MYO18B: variants seen among roughly 807,000 people sequenced by gnomAD.
MYO18B encodes unconventional myosin-XVIIIb.
Under a neutral mutation model 273.0 loss-of-function variants are expected in MYO18B, and 204 were observed. That is an observed-to-expected ratio of 0.75 (90% CI 0.67 to 0.84). The LOEUF (loss-of-function observed/expected upper bound fraction) is 0.84, where lower values mean the gene tolerates loss of function less well. Ranked by LOEUF, MYO18B falls within the 40% of genes least tolerant of loss-of-function variation. The pLI is 0.00. For missense variants in MYO18B, 3,212 were observed against 3,287.6 expected (o/e 0.98, Z 0.56); for synonymous variants, 1,330 against 1,305.7 (o/e 1.02, Z -0.40).
chr22:25,877,899 C>A (rs2146204954), intron 24 of MYO18B, 60 bp from the exon 25 acceptor site: 3 of 1,431,714 alleles, frequency 2.1e-6, no homozygotes, highest in Non-Finnish European at 2.9e-6. Context: ...TCACTCCTAA[C>A]ACAGGTGGAA....
At chr22:25,817,936 C>G (rs1380475272) in intron 12 of MYO18B, among the ~76,000 whole-genome samples, 1 of 152,184 alleles carries the variant, frequency 6.6e-6, no homozygotes, top group Admixed American at 6.5e-5. Context: ...GCTTCACACC[C>G]ATTCTCCAGG....
Position 26,004,706 on chromosome 22 carries a change from A to G in MYO18B, c.6333-12A>G, listed in dbSNP as rs530808211. 10 of 1,613,294 alleles carry G rather than the reference A, an allele frequency of 6.2e-6. No individual in the cohort carries two copies. Among genetic ancestry groups the G allele is most frequent in the South Asian group, 2.2e-5 (2 of 90,958 alleles). ...GTCATTGTGCTGATGGTGTCCTGCA[A>G]TCTTATTCTAGGGATAACGTCTCCA... On this transcript the variant is annotated splice_polypyrimidine_tract_variant and intron_variant, in intron 41 of 43. Transcript: ENST00000335473.
intron 40 of MYO18B, among the ~76,000 whole-genome samples, chr22:25,999,974 A>C (rs537863271): frequency 9.9e-5 from 15 of 152,266 alleles, no homozygotes; most frequent in African/African-American, 3.6e-4. Flanking sequence ...TTAAAAAGCC[A>C]CTTGCACCAA....
Position 25,846,257 on chromosome 22 carries a change from C to G in MYO18B, c.3526C>G (p.Pro1176Ala). 1 of 1,612,022 alleles carries G rather than the reference C, an allele frequency of 6.2e-7. No homozygotes were observed. Among genetic ancestry groups the G allele is most frequent in the Non-Finnish European group, 8.5e-7 (1 of 1,179,790 alleles). Reference protein sequence around the residue: ...SSLAAVRRKAPCSQIKLQMDA... With the variant: ...SSLAAVRRKAACSQIKLQMDA... ...CCTTGCCGCGGTGAGGAGGAAAGCC[C>G]CGTGCTCCCAGATCAAGCTGCAGAT... Residue 1176 changes from proline to alanine, a missense_variant, in exon 19 of 44, where the codon CCG (proline) becomes GCG (alanine). Coordinates refer to ENST00000335473, the MANE Select transcript of MYO18B (RefSeq NM_032608.7).
chr22:25,785,178 A>C (rs2087329232), intron 10 of MYO18B, among the ~76,000 whole-genome samples: 1 of 152,088 alleles, frequency 6.6e-6, no homozygotes, highest in African/African-American at 2.4e-5. Flanking sequence ...TGCTCTCCTG[A>C]TTTTCCTCTA....
chr22:25,927,579 C>T (rs1001074706), intron 34 of MYO18B, among the ~76,000 whole-genome samples: 13 of 152,178 alleles, frequency 8.5e-5, no homozygotes, highest in African/African-American at 3.1e-4. Context: ...TCCTGTGGTC[C>T]TGTGATCTTG....
intron 21 of MYO18B, among the ~76,000 whole-genome samples, chr22:25,856,633 G>A (rs1250540497): frequency 1.3e-5 from 2 of 152,222 alleles, no homozygotes; most frequent in East Asian, 1.9e-4. Flanking sequence ...TGGAGGAACT[G>A]AGTAGGAGAA....
intron 12 of MYO18B, among the ~76,000 whole-genome samples, chr22:25,812,295 G>A (rs1235700631): frequency 6.6e-6 from 1 of 152,152 alleles, no homozygotes; most frequent in African/African-American, 2.4e-5. Context: ...CCATCTGGTG[G>A]CTTCTGACTG....
chr22:25,918,818 T>C (rs184884743), intron 33 of MYO18B, among the ~76,000 whole-genome samples: 2 of 152,336 alleles, frequency 1.3e-5, no homozygotes, highest in Non-Finnish European at 2.9e-5. Flanking sequence ...CTAAGCATAC[T>C]CATGAGTCTG....
At chr22:25,839,262 A>C (rs905490163) in intron 17 of MYO18B, among the ~76,000 whole-genome samples, 1 of 151,838 alleles carries the variant, frequency 6.6e-6, no homozygotes, top group African/African-American at 2.4e-5. Context: ...ATGTGTGTGC[A>C]TGTGTGTATA....
chr22:25,851,216 G>T (rs748662168), intron 20 of MYO18B, among the ~76,000 whole-genome samples: 4 of 152,182 alleles, frequency 2.6e-5, no homozygotes, highest in Non-Finnish European at 5.9e-5. Flanking sequence ...TGAGTGTGCA[G>T]CTTTTTCAAA....
At chr22:25,915,577 T>C (rs1000070962) in intron 33 of MYO18B, among the ~76,000 whole-genome samples, 34 of 152,254 alleles carry the variant, frequency 2.2e-4, no homozygotes, top group African/African-American at 8.0e-4. Context: ...ACTGTAACTT[T>C]AATAAGGTTA....
chr22:25,752,845 G>A (rs1471877193), intron 1 of MYO18B, among the ~76,000 whole-genome samples: 1 of 152,300 alleles, frequency 6.6e-6, no homozygotes, highest in Non-Finnish European at 1.5e-5. Flanking sequence ...GGACGCAGGC[G>A]GGAACCGGGG....
In MYO18B at chr22:25,835,721, G is replaced by A. The variant is rs2072014; in HGVS notation, c.3208+278G>A. On this transcript the variant is annotated intron_variant, in intron 17 of 43. Coordinates refer to ENST00000335473, the MANE Select transcript of MYO18B (RefSeq NM_032608.7). ...CACAAGCTCACAGCCAAGCACATGCGTGCACAGTGAGCCTGCAACTGCACT... is the reference window on the plus strand; with the variant it reads ...CACAAGCTCACAGCCAAGCACATGCATGCACAGTGAGCCTGCAACTGCACT... 0.28 allele frequency among the ~76,000 whole-genome samples: 42,710 copies of A among 152,226 alleles called. 7,564 individuals are homozygous for A. Among genetic ancestry groups the A allele is most frequent in the East Asian group, 0.62 (3,222 of 5,174 alleles).
downstream of MYO18B, among the ~76,000 whole-genome samples, chr22:26,031,674 T>G (rs765610016): frequency 6.6e-6 from 1 of 152,110 alleles, no homozygotes; most frequent in Non-Finnish European, 1.5e-5. Flanking sequence ...GTAAGGTCAC[T>G]CCAAAAAGAG....
intron 3 of MYO18B, among the ~76,000 whole-genome samples, chr22:25,765,309 C>A (rs960903101): frequency 3.3e-5 from 5 of 152,156 alleles, no homozygotes; most frequent in Admixed American, 3.3e-4. Context: ...TTTTCTTGTC[C>A]CAATCAATAA....
intron 17 of MYO18B, among the ~76,000 whole-genome samples, chr22:25,839,154 ATATG>A (rs2090005453): frequency 1.3e-5 from 2 of 150,602 alleles, no homozygotes; most frequent in Admixed American, 1.3e-4. Context: ...GAGTGTGTAT[ATATG>A]TGTGTGCATG....
At chr22:25,900,265 A>G (rs2091906113) in intron 29 of MYO18B, 1 of 152,236 alleles carries the variant, frequency 6.6e-6, no homozygotes, top group Non-Finnish European at 1.5e-5. Context: ...GATAGCAGGC[A>G]TTACCTTTCC....
chr22:25,768,796 G>C lies in MYO18B; in HGVS notation c.880G>C (p.Glu294Gln), dbSNP rs1279961582. ...KEGAEPTNTVEKGNVSKDVGS... is the reference protein window; with the variant it reads ...KEGAEPTNTVQKGNVSKDVGS... ...GGGAGCAGAGCCCACAAACACGGTG[G>C]AAAAGGGGAATGTCTCTAAGGACGT... Residue 294 changes from glutamate (E) to glutamine (Q), a missense_variant, in exon 4 of 44, where the codon GAA becomes CAA. Transcript: ENST00000335473. 1.2e-6 allele frequency: 2 copies of C among 1,610,068 alleles called. No individual in the cohort carries two copies. Among genetic ancestry groups the C allele is most frequent in the South Asian group, 2.2e-5 (2 of 90,120 alleles).
Sources: allele counts gnomAD v4.1 joint callset (sites outside exome capture counted in the v4.1 genomes callset), GRCh38; gene constraint gnomAD v4.1.1; transcripts MANE v1.5; gene names NCBI Gene and HGNC (gene_info 2026-07-23, HGNC 2026-07-21).